The following CPVL variants were observed in gnomAD, a reference collection of about 807,000 sequenced individuals.
The protein encoded by CPVL is probable serine carboxypeptidase CPVL.
CPVL carries 51 observed loss-of-function variants against 63.7 expected under a neutral mutation model. The observed-to-expected ratio is 0.80, with a 90% CI of 0.64 to 1.01. CPVL has a LOEUF of 1.01. Ranked by LOEUF, CPVL falls within the 50% of genes least tolerant of loss-of-function variation. The pLI is 0.00. For synonymous variants in CPVL, 195 were observed against 206.0 expected (o/e 0.95, Z 0.46); for missense variants, 530 against 573.1 (o/e 0.92, Z 0.77).
chr7:29,025,426 T>A (rs1787395985), intron 12 of CPVL, among the ~76,000 whole-genome samples: 1 of 152,192 alleles, frequency 6.6e-6, no homozygotes, highest in Non-Finnish European at 1.5e-5. Flanking sequence ...AGGTCTCACA[T>A]GAACTGAGTG....
chr7:29,105,365 T>C (rs1018803608), intron 3 of CPVL, among the ~76,000 whole-genome samples: 2 of 152,082 alleles, frequency 1.3e-5, no homozygotes, highest in African/African-American at 4.8e-5. Flanking sequence ...AACTTGGAAA[T>C]GAAAGGTTGG....
chr7:29,065,228 GA>G (rs1463838293), intron 10 of CPVL, among the ~76,000 whole-genome samples: 1 of 152,036 alleles, frequency 6.6e-6, no homozygotes, highest in African/African-American at 2.4e-5. Context: ...TTGTTGTAAA[GA>G]AAAAAAGGTA....
intron 12 of CPVL, among the ~76,000 whole-genome samples, chr7:29,022,676 G>A (rs1193131212): frequency 6.6e-6 from 1 of 152,216 alleles, no homozygotes; most frequent in Admixed American, 6.5e-5. Context: ...GGGGGCCTGG[G>A]AATTGATCAG....
chr7:29,109,900 G>T (rs1299398172), intron 3 of CPVL, among the ~76,000 whole-genome samples: 1 of 152,168 alleles, frequency 6.6e-6, no homozygotes, highest in Non-Finnish European at 1.5e-5. Flanking sequence ...AATGAAGGGG[G>T]TTTTCAGACT....
chr7:29,042,371 G>A (rs943747805), intron 11 of CPVL, among the ~76,000 whole-genome samples: 1 of 152,150 alleles, frequency 6.6e-6, no homozygotes, highest in African/African-American at 2.4e-5. Context: ...GGGAAGCTGA[G>A]GTAGGAGGAT....
At chr7:29,146,911 A>C, upstream of CPVL, 2 of 1,551,224 alleles carry the variant, frequency 1.3e-6, no homozygotes, top group Non-Finnish European at 1.7e-6. Context: ...CCCACTGTTT[A>C]AAAAGGCAAC....
At chr7:28,997,185 A>T (rs932387288) in intron 12 of CPVL, among the ~76,000 whole-genome samples, 1 of 152,188 alleles carries the variant, frequency 6.6e-6, no homozygotes, top group Non-Finnish European at 1.5e-5. Flanking sequence ...CATGCAGGAG[A>T]GGTCAGCCTG....
At chr7:29,171,235 C>T (rs1215559595) in intron 5 of CPVL, among the ~76,000 whole-genome samples, 2 of 152,100 alleles carry the variant, frequency 1.3e-5, no homozygotes, top group African/African-American at 2.4e-5. Context: ...ACCTAATACG[C>T]GTCCTACTGT....
intron 5 of CPVL, among the ~76,000 whole-genome samples, chr7:29,165,541 G>A (rs1013935563): frequency 6.6e-5 from 10 of 151,872 alleles, no homozygotes; most frequent in African/African-American, 2.4e-4. Flanking sequence ...GTATGCCTTT[G>A]TTATTTCTTT....
intron 9 of CPVL, among the ~76,000 whole-genome samples, chr7:29,066,542 A>G (rs940503780): frequency 6.6e-6 from 1 of 152,188 alleles, no homozygotes; most frequent in African/African-American, 2.4e-5. Context: ...TTGAGTAAAG[A>G]CATATTGGAT....
chr7:29,130,477 T>A (rs1390083843), intron 1 of CPVL, among the ~76,000 whole-genome samples: 2 of 152,208 alleles, frequency 1.3e-5, no homozygotes, highest in African/African-American at 4.8e-5. Flanking sequence ...TAAATACAAT[T>A]AAATGGGCTC....
chr7:29,035,434 G>T (rs1034946634), intron 11 of CPVL, among the ~76,000 whole-genome samples: 1 of 152,206 alleles, frequency 6.6e-6, no homozygotes, highest in Non-Finnish European at 1.5e-5. Context: ...CTGAGAGTTA[G>T]TTGCATATGA....
intron 9 of CPVL, among the ~76,000 whole-genome samples, 168 bp from the exon 10 acceptor site, chr7:29,066,289 C>T (rs186104610): frequency 1.3e-5 from 2 of 152,344 alleles, no homozygotes; most frequent in African/African-American, 4.8e-5. Flanking sequence ...TGTCATGGCA[C>T]TGGAGAAATG....
intron 11 of CPVL, among the ~76,000 whole-genome samples, chr7:29,063,172 TCTCCACTGGCAC>T (rs1414361951): frequency 6.6e-6 from 1 of 152,082 alleles, no homozygotes; most frequent in African/African-American, 2.4e-5. Flanking sequence ...GTGACCTCAC[TCTCCACTGGCAC>T]CTCCACTGGC....
chr7:29,087,222 G>A (rs945624646), intron 6 of CPVL, among the ~76,000 whole-genome samples: 5 of 151,938 alleles, frequency 3.3e-5, no homozygotes, highest in East Asian at 1.9e-4. Flanking sequence ...TCAGGAGTTC[G>A]AGACCAGCCT....
chr7:29,162,140 A>G (rs915202961), intron 5 of CPVL, among the ~76,000 whole-genome samples: 7 of 152,274 alleles, frequency 4.6e-5, no homozygotes, highest in African/African-American at 1.7e-4. Flanking sequence ...ACACACATTT[A>G]CTATACAACT....
chr7:29,150,425 T>C (rs1388419105), upstream of CPVL, among the ~76,000 whole-genome samples: 24 of 152,194 alleles, frequency 1.6e-4, no homozygotes, highest in Admixed American at 1.6e-3. Flanking sequence ...GTGACTGCAG[T>C]TCTTTCCAAC....
intron 9 of CPVL, among the ~76,000 whole-genome samples, chr7:29,068,929 C>G (rs1165641098): frequency 6.6e-6 from 1 of 150,524 alleles, no homozygotes; most frequent in African/African-American, 2.4e-5. Context: ...GTGATCCGCC[C>G]GCCTCGGCCT....
chr7:29,030,529 C>A (rs1379543928), intron 12 of CPVL, 48 bp downstream of exon 12: 1 of 1,559,244 alleles, frequency 6.4e-7, no homozygotes, highest in Admixed American at 1.8e-5. Flanking sequence ...TATTTTCAAT[C>A]CCGCTCTCCC....
Sources: allele counts gnomAD v4.1 joint callset (sites outside exome capture counted in the v4.1 genomes callset), GRCh38; gene constraint gnomAD v4.1.1; transcripts MANE v1.5; gene names NCBI Gene and HGNC (gene_info 2026-07-23, HGNC 2026-07-21).